SAXO1: variants seen among roughly 807,000 people sequenced by gnomAD.
SAXO1 encodes the protein stabilizer of axonemal microtubules 1.
In SAXO1, 21 loss-of-function variants were observed where a neutral mutation model predicts 17.5. The ratio of observed to expected loss-of-function variants is 1.20; its 90% CI spans 0.85 to 1.72. The LOEUF is 1.72. Ranked by LOEUF, SAXO1 falls within the 40% of genes most tolerant of loss-of-function variation. SAXO1 has a pLI of 0.00. For missense variants in SAXO1, 843 were observed against 596.0 expected (o/e 1.41, Z -4.32); for synonymous variants, 274 against 216.5 (o/e 1.27, Z -2.33).
In SAXO1 at chr9:19,030,294, G is replaced by A. The variant is rs1187253532; in HGVS notation, c.38+2577C>T. 3.9e-5 allele frequency among the ~76,000 whole-genome samples: 6 copies of A among 152,122 alleles called. No individual in the cohort carries two copies. In the East Asian group the frequency reaches 1.2e-3, roughly 29 times the overall value. On this transcript the variant is annotated intron_variant, in intron 1 of 3. Coordinates refer to ENST00000380534, the MANE Select transcript of SAXO1 (RefSeq NM_153707.4). ...CATGGGAGAAAAAAAAACTAGGAAGGTAATTTAGGACCAGTTTCCAAACAC... is the reference window on the plus strand; with the variant it reads ...CATGGGAGAAAAAAAAACTAGGAAGATAATTTAGGACCAGTTTCCAAACAC...
At chr9:18,985,845 C>G (rs1180244122) in intron 1 of SAXO1, among the ~76,000 whole-genome samples, 1 of 152,206 alleles carries the variant, frequency 6.6e-6, no homozygotes, top group Non-Finnish European at 1.5e-5. Context: ...TCAGGCAAGA[C>G]ACATGTCAGG....
At chr9:19,028,481 T>C (rs1835611622) in intron 1 of SAXO1, among the ~76,000 whole-genome samples, 1 of 152,226 alleles carries the variant, frequency 6.6e-6, no homozygotes, top group Non-Finnish European at 1.5e-5. Flanking sequence ...ATATACAAAA[T>C]TAGAGTTACT....
In SAXO1 at chr9:19,032,957, A is replaced by C. The variant is rs1835832276; in HGVS notation, c.-49T>G. 1 of 1,580,218 alleles carries C rather than the reference A, an allele frequency of 6.3e-7. No individual in the cohort carries two copies. The highest frequency in any genetic ancestry group is 8.6e-7 in the Non-Finnish European group (1 of 1,165,834). On this transcript the variant is annotated 5_prime_UTR_variant, in exon 1 of 4. Coordinates refer to ENST00000380534, the MANE Select transcript of SAXO1 (RefSeq NM_153707.4). ...GTCCCCTCAGAGCATCGCCAGCTGC[A>C]GCCGACTCCTAGACCCCAACCACCT...
At chr9:19,026,822 A>C (rs1409764142) in intron 1 of SAXO1, 5 of 539,790 alleles carry the variant, frequency 9.3e-6, no homozygotes, top group South Asian at 1.7e-5. Context: ...CAAGGTCAGG[A>C]GTTCAAGACC....
upstream of SAXO1, among the ~76,000 whole-genome samples, chr9:19,033,616 T>A (rs1835858468): frequency 6.6e-6 from 1 of 152,214 alleles, no homozygotes. Context: ...CTGTTAGAAT[T>A]GCTCTCACCC....
At chr9:19,000,602 C>T (rs1301991985) in intron 1 of SAXO1, among the ~76,000 whole-genome samples, 2 of 152,242 alleles carry the variant, frequency 1.3e-5, no homozygotes, top group African/African-American at 4.8e-5. Context: ...CACCTCTGCC[C>T]AGCCACTGTG....
Position 19,027,643 on chromosome 9 carries a change from T to C in SAXO1, c.38+5228A>G, listed in dbSNP as rs1165015239. Reference sequence around the variant, plus strand: ...GAGATGGTGCCAAGCTAGTCCGGGATGCCTTCGCCCTGGCCAAGGAGAAAG... The same window carrying C: ...GAGATGGTGCCAAGCTAGTCCGGGACGCCTTCGCCCTGGCCAAGGAGAAAG... On this transcript the variant is annotated intron_variant, in intron 1 of 3. Coordinates refer to ENST00000380534, the MANE Select transcript of SAXO1 (RefSeq NM_153707.4). 57 of 1,401,240 alleles carry C rather than the reference T, an allele frequency of 4.1e-5. No individual in the cohort carries two copies. The East Asian group carries it at 1.2e-3, about 30-fold the overall frequency. 86.8% of individuals were successfully genotyped at this position (1,401,240 alleles called of 1,614,324 possible).
intron 1 of SAXO1, among the ~76,000 whole-genome samples, chr9:19,022,086 AC>A (rs1835262872): frequency 6.6e-6 from 1 of 152,228 alleles, no homozygotes; most frequent in South Asian, 2.1e-4. Context: ...ATGAGCTGTA[AC>A]ACTCAGTGTG....
chr9:18,994,822 G>C (rs768631243), intron 1 of SAXO1, among the ~76,000 whole-genome samples: 28 of 152,184 alleles, frequency 1.8e-4, no homozygotes, highest in Non-Finnish European at 3.2e-4. Flanking sequence ...ATGCAATCTG[G>C]GGCTAATCTC....
intron 1 of SAXO1, among the ~76,000 whole-genome samples, chr9:19,000,513 G>A (rs949845088): frequency 7.9e-5 from 12 of 151,760 alleles, no homozygotes; most frequent in Admixed American, 5.2e-4. Flanking sequence ...GAAGTGAGGG[G>A]TGCCTCTGCA....
chr9:19,039,284 C>T (rs575725564), intron 1 of SAXO1, among the ~76,000 whole-genome samples: 22 of 152,204 alleles, frequency 1.4e-4, no homozygotes, highest in Admixed American at 5.2e-4. Context: ...ATTGCTGTTG[C>T]GCTGCTTTAT....
chr9:19,032,109 A>G (rs1563994186), intron 1 of SAXO1, among the ~76,000 whole-genome samples: 2 of 152,096 alleles, frequency 1.3e-5, no homozygotes, highest in Non-Finnish European at 2.9e-5. Flanking sequence ...CCCACAATTA[A>G]TGACAGCCCA....
chr9:18,987,238 G>T (rs751027478), intron 1 of SAXO1, among the ~76,000 whole-genome samples: 1 of 152,156 alleles, frequency 6.6e-6, no homozygotes, highest in South Asian at 2.1e-4. Context: ...GGAAACTTCA[G>T]ATCTCACCCC....
chr9:19,042,302 G>A (rs1836096610), intron 1 of SAXO1, among the ~76,000 whole-genome samples: 1 of 152,188 alleles, frequency 6.6e-6, no homozygotes, highest in East Asian at 1.9e-4. Flanking sequence ...ACAAATGCTG[G>A]CAAGGATGTG....
rs371530984 is a variant in SAXO1, at chr9:18,929,070, G to C, written c.422-15C>G. 9 of 1,610,936 alleles carry C rather than the reference G, an allele frequency of 5.6e-6. No individual in the cohort carries two copies. In the African/African-American group the frequency reaches 6.7e-5, roughly 12 times the overall value. ...CAAATAATCAGCTGAAATTAAAGCA[G>C]AAGAGGTAATTAATAATAAATCAAG... On this transcript the variant is annotated splice_polypyrimidine_tract_variant and intron_variant, in intron 3 of 3. Transcript: ENST00000380534.
At chr9:19,032,714 G>A (rs898822459) in intron 1 of SAXO1, among the ~76,000 whole-genome samples, 157 bp downstream of exon 1, 12 of 152,232 alleles carry the variant, frequency 7.9e-5, no homozygotes, top group Non-Finnish European at 1.8e-4. Flanking sequence ...GCGTCCGCGG[G>A]CACAACGCTA....
intron 1 of SAXO1, among the ~76,000 whole-genome samples, chr9:18,968,082 G>C (rs1436157710): frequency 2.0e-5 from 3 of 152,196 alleles, no homozygotes; most frequent in Non-Finnish European, 4.4e-5. Flanking sequence ...CTCAGCCACT[G>C]TCTAACCAGT....
intron 1 of SAXO1, among the ~76,000 whole-genome samples, chr9:18,986,263 T>G (rs1833589270): frequency 6.6e-6 from 1 of 152,242 alleles, no homozygotes; most frequent in African/African-American, 2.4e-5. Flanking sequence ...GTTGGTCTTT[T>G]TCATACACAG....
intron 3 of SAXO1, among the ~76,000 whole-genome samples, chr9:18,930,481 T>G (rs562943418): frequency 6.6e-6 from 1 of 150,584 alleles, no homozygotes; most frequent in Non-Finnish European, 1.5e-5. Flanking sequence ...GTGATTCAAC[T>G]GCCTTGGCAC....
Sources: gnomAD v4.1 joint callset for allele counts (sites outside exome capture counted in the v4.1 genomes callset) on GRCh38, gnomAD v4.1.1 for gene constraint, MANE v1.5 for transcripts, NCBI Gene and HGNC (gene_info 2026-07-23, HGNC 2026-07-21) for gene names.